The following HSP90AA1 variants were observed in gnomAD, a reference collection of about 807,000 sequenced individuals.
HSP90AA1 encodes the protein heat shock protein HSP 90-alpha.
In HSP90AA1, 18 loss-of-function variants were observed where a neutral mutation model predicts 73.3. The observed-to-expected ratio is 0.25, with a 90% CI of 0.17 to 0.36. The LOEUF is 0.36. HSP90AA1 is among the 10% of genes least tolerant of loss of function. The probability of loss-of-function intolerance (pLI) is 1.00; values close to 1 mark genes in which losing one functional copy is unlikely to be tolerated. For missense variants in HSP90AA1, 704 were observed against 874.2 expected, an observed-to-expected ratio of 0.81 and a Z score of 2.45; for synonymous variants, 477 against 296.9, an observed-to-expected ratio of 1.61 and a Z score of -6.24.
At chr14:102,088,939 C>T (rs2049313114), upstream of HSP90AA1, among the ~76,000 whole-genome samples, 1 of 148,186 alleles carries the variant, frequency 6.7e-6, no homozygotes, top group Non-Finnish European at 1.5e-5. Flanking sequence ...AAGTCTCACT[C>T]TTGGTCCCCC....
rs542085221 is a variant in HSP90AA1, at chr14:102,082,964, G to A, written c.1755+70C>T. ...TTTTAAGTTGAAAACATGCGAAAAT[G>A]GGCTATGTATGACTAAGCTTGAAAG... On this transcript the variant is annotated intron_variant, in intron 9 of 10. Coordinates refer to ENST00000216281, the MANE Select transcript of HSP90AA1 (RefSeq NM_005348.4). The A allele has an allele frequency of 2.8e-6, 4 of 1,442,142 alleles. No individual in the cohort carries two copies. In the South Asian group the frequency reaches 3.5e-5, roughly 12 times the overall value. 89.3% of individuals were successfully genotyped at this position (1,442,142 alleles called of 1,614,324 possible). A position where few individuals can be genotyped will look rare whatever the true frequency, so the allele number is the denominator to read the frequency against.
chr14:102,100,270 A>G (rs1459183340), intron 2 of HSP90AA1, among the ~76,000 whole-genome samples: 1 of 152,160 alleles, frequency 6.6e-6, no homozygotes, highest in East Asian at 1.9e-4. Flanking sequence ...TAAATCTCCC[A>G]GTGGTTTTTG....
At chr14:102,130,258 T>A (rs1249765694) in intron 1 of HSP90AA1, among the ~76,000 whole-genome samples, 1 of 152,162 alleles carries the variant, frequency 6.6e-6, no homozygotes, top group Non-Finnish European at 1.5e-5. Flanking sequence ...CATGAGCCAC[T>A]GCGCCCGGCC....
chr14:102,090,950 C>T (rs1480899889), upstream of HSP90AA1, among the ~76,000 whole-genome samples: 1 of 152,190 alleles, frequency 6.6e-6, no homozygotes, highest in Non-Finnish European at 1.5e-5. Context: ...TTAGCTCAGC[C>T]ACTGCCTGTG....
Position 102,084,385 on chromosome 14 carries a change from C to G in HSP90AA1, c.1147+14G>C, listed in dbSNP as rs747472459. The stretch of plus-strand genomic sequence containing the variant: ...TAATCAGTGACAGTGATTATTTTTC[C>G]TATCTATACTTACTCAGATATTCAG... On this transcript the variant is annotated intron_variant, in intron 6 of 10. Coordinates refer to ENST00000216281, the MANE Select transcript of HSP90AA1 (RefSeq NM_005348.4). The G allele has an allele frequency of 9.3e-6, 15 of 1,608,702 alleles. No individual in the cohort carries two copies. The highest frequency in any genetic ancestry group is 4.0e-5 in the African/African-American group (3 of 74,834).
chr14:102,105,991 G>C (rs967520925), intron 1 of HSP90AA1, among the ~76,000 whole-genome samples: 13 of 152,070 alleles, frequency 8.5e-5, no homozygotes, highest in Non-Finnish European at 4.4e-5. Flanking sequence ...CAGGAGAATT[G>C]CTTGAACCCA....
At chr14:102,094,220 C>T (rs1284847390) in intron 2 of HSP90AA1, among the ~76,000 whole-genome samples, 8 of 152,228 alleles carry the variant, frequency 5.3e-5, no homozygotes, top group Non-Finnish European at 1.2e-4. Context: ...TCGTTCCCCT[C>T]CCCTCCCACT....
At chr14:102,095,621 G>A (rs1379867294) in intron 2 of HSP90AA1, among the ~76,000 whole-genome samples, 1 of 152,118 alleles carries the variant, frequency 6.6e-6, no homozygotes, top group African/African-American at 2.4e-5. Context: ...CAGAACCAGG[G>A]GTCCTGGACA....
exon 1 of HSP90AA1, chr14:102,139,592 C>T (rs1212132844): frequency 4.3e-6 from 3 of 690,272 alleles, no homozygotes; most frequent in Non-Finnish European, 7.1e-6. Flanking sequence ...ACCGGCTTTC[C>T]GCTGGCCCTG....
At position 102,081,827 on chromosome 14, in the gene HSP90AA1, T is replaced by C; in HGVS notation, c.2090-6A>G. ...AGGGTCATCTTCATCAATACCTGTT[T>C]CCAAAATAAAATCCTCATATTACAA... is the stretch of plus-strand genomic sequence containing the variant. On this transcript the variant is annotated splice_polypyrimidine_tract_variant and splice_region_variant and intron_variant, in intron 10 of 10. Transcript: ENST00000216281. 7.5e-7 allele frequency: 1 copy of C among 1,335,212 alleles called. No homozygotes were observed. Among genetic ancestry groups the C allele is most frequent in the Non-Finnish European group, 1.1e-6 (1 of 926,138 alleles). 82.7% of individuals were successfully genotyped at this position (1,335,212 alleles called of 1,614,324 possible).
intron 1 of HSP90AA1, among the ~76,000 whole-genome samples, chr14:102,135,955 TCCCACAGTGCA>T (rs2049988677): frequency 6.6e-6 from 1 of 152,134 alleles, no homozygotes; most frequent in African/African-American, 2.4e-5. Context: ...AGAAAGGGGC[TCCCACAGTGCA>T]GTGGGGGGCT....
intron 6 of HSP90AA1, 174 bp downstream of exon 6, chr14:102,084,225 T>G: frequency 1.4e-6 from 1 of 696,910 alleles, no homozygotes; most frequent in African/African-American, 1.8e-5. Flanking sequence ...TTTTGTAATT[T>G]AGTAGAGATG....
chr14:102,086,956 CCTCCACAGG>C, intron 1 of HSP90AA1, 21 bp downstream of exon 1: 1 of 981,284 alleles, frequency 1.0e-6, no homozygotes. Flanking sequence ...CCCCAGTCCA[CCTCCACAGG>C]CCCCCACAAC....
In HSP90AA1 at chr14:102,095,896, C is replaced by T. The variant is rs559120735; in HGVS notation, c.366+5979G>A. Among the ~76,000 whole-genome samples the T allele has an allele frequency of 7.2e-5, 11 of 152,350 alleles. No individual in the cohort carries two copies. In the South Asian group the frequency reaches 2.3e-3, roughly 32 times the overall value. ...CTACATTCCCGTTTTCATCTGCCCA[C>T]TTCCCAGTGCAGAAAACCCCTGGGC... On this transcript the variant is annotated intron_variant, in intron 2 of 11. Transcript: ENST00000334701.
At chr14:102,134,274 G>A (rs1177832985) in intron 1 of HSP90AA1, among the ~76,000 whole-genome samples, 4 of 136,086 alleles carry the variant, frequency 2.9e-5, no homozygotes, top group Non-Finnish European at 4.5e-5. Flanking sequence ...GCAGAGAGCC[G>A]ACATGGAGCC....
At chr14:102,121,026 C>CAT (rs1393574351) in intron 1 of HSP90AA1, among the ~76,000 whole-genome samples, 10,124 of 143,892 alleles carry the variant, frequency 0.07, 715 homozygotes, top group African/African-American at 0.18. Context: ...CACACATACA[C>CAT]ACACACACAC....
chr14:102,113,546 T>A (rs2049668891), intron 1 of HSP90AA1, among the ~76,000 whole-genome samples: 1 of 149,722 alleles, frequency 6.7e-6, no homozygotes, highest in Non-Finnish European at 1.5e-5. Flanking sequence ...CCACCATGCC[T>A]GGCTAATTTT....
intron 1 of HSP90AA1, among the ~76,000 whole-genome samples, chr14:102,122,797 A>G (rs560249663): frequency 6.6e-5 from 10 of 151,684 alleles, no homozygotes; most frequent in Non-Finnish European, 1.0e-4. Flanking sequence ...CCTCCCGAGT[A>G]GCTGGGATTA....
intron 1 of HSP90AA1, among the ~76,000 whole-genome samples, chr14:102,119,552 G>C (rs1238657794): frequency 3.9e-5 from 6 of 152,214 alleles, no homozygotes; most frequent in African/African-American, 1.4e-4. Flanking sequence ...ACAGTGGTGC[G>C]ATCTCAGTTC....
Sources: gnomAD v4.1 joint callset for allele counts (sites outside exome capture counted in the v4.1 genomes callset) on GRCh38, gnomAD v4.1.1 for gene constraint, MANE v1.5 for transcripts, NCBI Gene and HGNC (gene_info 2026-07-23, HGNC 2026-07-21) for gene names.